The following CSMD2 variants were observed in gnomAD, a reference collection of about 807,000 sequenced individuals.
CSMD2 encodes the protein CUB and Sushi multiple domains 2, also known as CUB and sushi domain-containing protein 2.
A neutral mutation model predicts 398.5 loss-of-function variants in CSMD2; 130 were observed. The ratio of observed to expected loss-of-function variants is 0.33; its 90% confidence interval spans 0.28 to 0.38. The LOEUF (loss-of-function observed/expected upper bound fraction) is 0.38, where lower values mean the gene tolerates loss of function less well. Among genes scored for constraint, CSMD2 ranks in the 10% least tolerant of loss-of-function variants. The probability of loss-of-function intolerance (pLI) is 1.00; values close to 1 mark genes in which losing one functional copy is unlikely to be tolerated. For missense variants in CSMD2, 3,829 were observed against 4,764.9 expected, an observed-to-expected ratio of 0.80 and a Z score of 5.78; for synonymous variants, 1,828 against 1,908.5, an observed-to-expected ratio of 0.96 and a Z score of 1.10.
intron 22 of CSMD2, among the ~76,000 whole-genome samples, chr1:33,702,244 A>G (rs1208495446): frequency 6.6e-6 from 1 of 152,194 alleles, no homozygotes; most frequent in African/African-American, 2.4e-5. Flanking sequence ...ACCTTATTGA[A>G]TCCTGATTCA....
intron 5 of CSMD2, among the ~76,000 whole-genome samples, chr1:33,855,677 T>C (rs1392221333): frequency 6.6e-6 from 1 of 152,096 alleles, no homozygotes; most frequent in Non-Finnish European, 1.5e-5. Context: ...CTATTATATG[T>C]CAGATCTGAG....
rs538963802 is a variant in CSMD2 at position 33,824,455 on chromosome 1, T to C, written c.1111+1242A>G. Among the ~76,000 whole-genome samples, 388 of 152,326 alleles carry C rather than the reference T, an allele frequency of 2.5e-3. 1 individual carries two copies. Among genetic ancestry groups the C allele is most frequent in the African/African-American group, 8.7e-3 (362 of 41,570 alleles). Reference sequence around the variant, plus strand: ...GCTGTATCCAACAGCCTGTGGCAACTGTCTCCACTCAGACAACTTCAAAGA... The same window carrying C: ...GCTGTATCCAACAGCCTGTGGCAACCGTCTCCACTCAGACAACTTCAAAGA... On this transcript the variant is annotated intron_variant, in intron 7 of 70. Coordinates refer to ENST00000373381, the MANE Select transcript of CSMD2 (RefSeq NM_001281956.2).
At chr1:33,848,888 T>C (rs1208162503) in intron 5 of CSMD2, among the ~76,000 whole-genome samples, 2 of 150,112 alleles carry the variant, frequency 1.3e-5, no homozygotes, top group East Asian at 3.9e-4. Context: ...ATAAGGGAAG[T>C]AGAAGTAGGG....
chr1:33,864,381 GC>G, intron 5 of CSMD2: 1 of 1,614,084 alleles, frequency 6.2e-7, no homozygotes, highest in Non-Finnish European at 8.5e-7. Flanking sequence ...TGAAGCCCTG[GC>G]CAAACTCGAC....
chr1:33,597,667 T>C (rs753951230), intron 44 of CSMD2, among the ~76,000 whole-genome samples: 1 of 152,240 alleles, frequency 6.6e-6, no homozygotes, highest in Non-Finnish European at 1.5e-5. Flanking sequence ...TGTAAATGGT[T>C]ATAACTGCTT....
At chr1:34,165,287 C>G (rs1451924921), upstream of CSMD2, 1 of 1,205,396 alleles carries the variant, frequency 8.3e-7, no homozygotes, top group Non-Finnish European at 1.0e-6. Context: ...AAATGACTCG[C>G]TCCAATCCCG....
chr1:33,622,243 G>A lies in CSMD2; in HGVS notation c.5751C>T (p.Ser1917=), dbSNP rs1159425483. 2 of 1,614,062 alleles carry A rather than the reference G, an allele frequency of 1.2e-6. No individual in the cohort carries two copies. Among genetic ancestry groups the A allele is most frequent in the Non-Finnish European group, 8.5e-7 (1 of 1,179,946 alleles). ...SGTTVPALLN[S]TSNQLYLHFY... Reference sequence around the variant, plus strand: ...AATGAAGGTAGAGCTGGTTGGAGGTGCTGTTCAGAAGGGCAGGCACGGTTG... The same window carrying A: ...AATGAAGGTAGAGCTGGTTGGAGGTACTGTTCAGAAGGGCAGGCACGGTTG... Residue 1917 remains serine, a synonymous_variant, in exon 37 of 71, where the codon AGC becomes AGT. Transcript: ENST00000373381.
chr1:33,871,280 A>C (rs1024184367), intron 5 of CSMD2, among the ~76,000 whole-genome samples: 3 of 152,342 alleles, frequency 2.0e-5, no homozygotes, highest in African/African-American at 4.8e-5. Flanking sequence ...AGAGGTGAGA[A>C]GTATTCTGAG....
chr1:33,764,687 C>T (rs1416554541), intron 13 of CSMD2, among the ~76,000 whole-genome samples: 3 of 152,238 alleles, frequency 2.0e-5, no homozygotes, highest in Non-Finnish European at 4.4e-5. Context: ...AAACAGTTCC[C>T]AGGAATATTA....
chr1:33,875,390 C>T (rs1023091206), intron 5 of CSMD2: 3 of 152,200 alleles, frequency 2.0e-5, no homozygotes, highest in Admixed American at 6.5e-5. Flanking sequence ...TCATGACTGA[C>T]ATGTTTTGGG....
chr1:33,573,840 A>G (rs1426367781), intron 49 of CSMD2, among the ~76,000 whole-genome samples: 2 of 152,186 alleles, frequency 1.3e-5, no homozygotes. Context: ...TCCCTCTTAG[A>G]TTCACCATCA....
At position 33,668,407 on chromosome 1, in the gene CSMD2, G is replaced by C. The variant is rs1257773677; in HGVS notation, c.4053-5315C>G. 4.6e-5 allele frequency among the ~76,000 whole-genome samples: 7 copies of C among 152,298 alleles called. No individual in the cohort carries two copies. The East Asian group carries it at 1.3e-3, about 29-fold the overall frequency. ...GGAAATTAGCTAGGGGCTGCCACAG[G>C]GGGCCAGTGACCCCTTTTATTATAA... is the stretch of plus-strand genomic sequence containing the variant. On this transcript the variant is annotated intron_variant, in intron 25 of 70. Transcript: ENST00000373381.
intron 2 of CSMD2, among the ~76,000 whole-genome samples, chr1:34,039,631 C>A (rs942061820): frequency 3.3e-5 from 5 of 152,136 alleles, no homozygotes; most frequent in Non-Finnish European, 5.9e-5. Context: ...GAAGCTCCAG[C>A]GTCAGTGACA....
At chr1:33,630,683 A>G (rs1642416842) in intron 32 of CSMD2, among the ~76,000 whole-genome samples, 1 of 152,234 alleles carries the variant, frequency 6.6e-6, no homozygotes, top group Non-Finnish European at 1.5e-5. Context: ...ATTAATCCCC[A>G]AAGAAGAAAT....
rs376009621 is a variant in CSMD2, at chr1:33,982,624, T to C, written c.518-46670A>G. 3.0e-4 allele frequency among the ~76,000 whole-genome samples: 45 copies of C among 152,308 alleles called. No individual in the cohort carries two copies. The East Asian group carries it at 3.9e-3, about 13-fold the overall frequency. Reference sequence around the variant, plus strand: ...ACTCAATTCATGTTGAATGACTGAATGAATGACGGACCTGTGAAGAGACTC... The same window carrying C: ...ACTCAATTCATGTTGAATGACTGAACGAATGACGGACCTGTGAAGAGACTC... On this transcript the variant is annotated intron_variant, in intron 3 of 70. Coordinates refer to ENST00000373381, the MANE Select transcript of CSMD2 (RefSeq NM_001281956.2).
At chr1:33,711,141 T>G (rs1021318038) in intron 21 of CSMD2, among the ~76,000 whole-genome samples, 10 of 152,110 alleles carry the variant, frequency 6.6e-5, no homozygotes, top group South Asian at 2.1e-4. Context: ...GTTTCCAGCA[T>G]GTGTACATTT....
intron 28 of CSMD2, among the ~76,000 whole-genome samples, chr1:33,647,417 A>G (rs1208749965): frequency 6.6e-6 from 1 of 152,212 alleles, no homozygotes; most frequent in South Asian, 2.1e-4. Flanking sequence ...GGTATGAGAG[A>G]AAAATCCATT....
chr1:33,783,849 C>A (rs1173909836), intron 12 of CSMD2, among the ~76,000 whole-genome samples: 1 of 152,122 alleles, frequency 6.6e-6, no homozygotes, highest in Non-Finnish European at 1.5e-5. Flanking sequence ...TGTAAACCAC[C>A]CAGTCTTTTT....
chr1:33,757,417 G>T (rs369810958), intron 13 of CSMD2, among the ~76,000 whole-genome samples: 2 of 152,038 alleles, frequency 1.3e-5, no homozygotes. Context: ...AGGGGCTAAG[G>T]TTCCCCAAAC....
Sources: gnomAD v4.1 joint callset for allele counts (sites outside exome capture counted in the v4.1 genomes callset) on GRCh38, gnomAD v4.1.1 for gene constraint, MANE v1.5 for transcripts, NCBI Gene and HGNC (gene_info 2026-07-23, HGNC 2026-07-21) for gene names.